Variants in GLS observed in about 807,000 individuals in gnomAD.
GLS encodes the protein glutaminase kidney isoform, mitochondrial.
In GLS, 36 loss-of-function variants were observed where a neutral mutation model predicts 86.7. That is an observed-to-expected ratio of 0.42 (90% CI 0.32 to 0.55). GLS has a LOEUF of 0.55. Ranked by LOEUF, GLS falls within the 20% of genes least tolerant of loss-of-function variation. The probability of loss-of-function intolerance (pLI) is 0.17; values close to 1 mark genes in which losing one functional copy is unlikely to be tolerated. For synonymous variants in GLS, 317 were observed against 305.9 expected (o/e 1.04, Z -0.38); for missense variants, 528 against 833.4 (o/e 0.63, Z 4.51).
chr2:190,880,826 G>C lies in GLS; in HGVS notation c.-259G>C, dbSNP rs555442285. The C allele has an allele frequency of 1.6e-3, 1,156 of 734,488 alleles. 44 individuals carry two copies. Among genetic ancestry groups the C allele is most frequent in the Non-Finnish European group, 2.4e-3 (1,047 of 433,618 alleles). The allele number at this position is 734,488 out of a possible 1,614,324, so 45.5% of individuals were successfully genotyped here. Reference sequence around the variant, plus strand: ...CTCCCCTGCGCTTTAGCCTCAGTGCGGAGCCTTAGGCGGAGCGAAGAGAAC... The same window carrying C: ...CTCCCCTGCGCTTTAGCCTCAGTGCCGAGCCTTAGGCGGAGCGAAGAGAAC... On this transcript the variant is annotated 5_prime_UTR_variant, in exon 1 of 18. Transcript: ENST00000320717.
chr2:190,958,482 G>T (rs116005392), intron 17 of GLS, among the ~76,000 whole-genome samples: 2,370 of 152,008 alleles, frequency 0.016, 80 homozygotes, highest in African/African-American at 0.054. Flanking sequence ...GTTTGCTCTT[G>T]TTTCTCTAGC....
At chr2:190,885,852 T>G (rs1484010764) in intron 1 of GLS, among the ~76,000 whole-genome samples, 1 of 151,714 alleles carries the variant, frequency 6.6e-6, no homozygotes, top group Admixed American at 6.6e-5. Context: ...GTTTTAGTTT[T>G]TTTTTTTAAA....
At chr2:190,896,456 C>T (rs1039416427) in intron 3 of GLS, 1 of 152,210 alleles carries the variant, frequency 6.6e-6, no homozygotes. Context: ...TAGTATAAAA[C>T]TGTAAATACT....
At chr2:190,932,764 T>C (rs1432249509) in intron 14 of GLS, 1 of 1,604,352 alleles carries the variant, frequency 6.2e-7, no homozygotes, top group African/African-American at 1.3e-5. Context: ...AGAACTTGCT[T>C]TAAAAGAGAC....
rs775870051 is a variant in GLS at position 190,905,176 on chromosome 2, T to G, written c.979+9T>G. On this transcript the variant is annotated intron_variant, in intron 6 of 17. Transcript: ENST00000320717. This position sits in a 1 kb window ranked among gnomAD's most constrained non-coding sequence, Gnocchi z 4.6. Reference sequence around the variant, plus strand: ...ATTTTTGAATGAAGATGGTAAGAATTACATAAACATTGGTTGAAAAAAGAA... The same window carrying G: ...ATTTTTGAATGAAGATGGTAAGAATGACATAAACATTGGTTGAAAAAAGAA... The G allele has an allele frequency of 6.6e-7, 1 of 1,526,040 alleles. No homozygotes were observed. The highest frequency in any genetic ancestry group is 9.0e-7 in the Non-Finnish European group (1 of 1,110,398). 94.5% of individuals were successfully genotyped at this position (1,526,040 alleles called of 1,614,324 possible). A position where few individuals can be genotyped will look rare whatever the true frequency, so the allele number is the denominator to read the frequency against.
At chr2:190,952,481 A>C (rs1690739770) in intron 14 of GLS, among the ~76,000 whole-genome samples, 1 of 152,170 alleles carries the variant, frequency 6.6e-6, no homozygotes, top group South Asian at 2.1e-4. Context: ...TGCAAATTAC[A>C]CTTTGAAAAT....
At position 190,901,927 on chromosome 2, in the gene GLS, C is replaced by T; in HGVS notation, c.736-20C>T. The T allele has an allele frequency of 6.8e-7, 1 of 1,461,990 alleles. No homozygotes were observed. The highest frequency in any genetic ancestry group is 1.7e-5 in the Admixed American group (1 of 59,738). 90.6% of individuals were successfully genotyped at this position (1,461,990 alleles called of 1,614,324 possible). On this transcript the variant is annotated intron_variant, in intron 4 of 17. Coordinates refer to ENST00000320717, the MANE Select transcript of GLS (RefSeq NM_014905.5). ...TTGTCAATATTATATCTATTCATTT[C>T]TTTCCAATCTTTTGGATAGGTTGCA... is the stretch of plus-strand genomic sequence containing the variant.
At chr2:190,941,472 C>T (rs1690427557) in intron 14 of GLS, among the ~76,000 whole-genome samples, 1 of 152,002 alleles carries the variant, frequency 6.6e-6, no homozygotes, top group Non-Finnish European at 1.5e-5. Context: ...GCATGGTTAG[C>T]TGTATCTTTA....
At chr2:190,912,630 C>CT (rs1689401803) in intron 7 of GLS, among the ~76,000 whole-genome samples, 1 of 152,166 alleles carries the variant, frequency 6.6e-6, no homozygotes, top group East Asian at 1.9e-4. Context: ...ACGGAGGAAA[C>CT]TGAGAACCTG....
At chr2:190,899,227 T>C (rs1688857547) in intron 3 of GLS, among the ~76,000 whole-genome samples, 1 of 152,176 alleles carries the variant, frequency 6.6e-6, no homozygotes, top group Non-Finnish European at 1.5e-5. Flanking sequence ...GAGATTAATA[T>C]TGAAACTATC....
chr2:190,913,428 A>G lies in GLS; in HGVS notation c.1038+3107A>G, dbSNP rs1199974125. 5.3e-6 allele frequency: 5 copies of G among 939,046 alleles called. No individual in the cohort carries two copies. The highest frequency in any genetic ancestry group is 6.7e-6 in the Non-Finnish European group (5 of 743,430). The allele number at this position is 939,046 out of a possible 1,614,324, so 58.2% of individuals were successfully genotyped here. A position where few individuals can be genotyped will look rare whatever the true frequency, so the allele number is the denominator to read the frequency against. ...AAAATGCACATAATTTTTAAAAATC[A>G]TAAGGGTATTATACTTCCTCTCTTT... On this transcript the variant is annotated intron_variant, in intron 7 of 17. Transcript: ENST00000320717. This position sits in a 1 kb window ranked among gnomAD's most constrained non-coding sequence, Gnocchi z 6.1.
rs1688109316 is a variant in GLS at position 190,880,863 on chromosome 2, AT to A, written c.-221del. On this transcript the variant is annotated 5_prime_UTR_variant, in exon 1 of 18. Coordinates refer to ENST00000320717, the MANE Select transcript of GLS (RefSeq NM_014905.5). ...GGAGCGAAGAGAACCGGTCGCGGCA[AT>A]CCTAGCGCGCAGCAGCAGCAGCAGC... 1.2e-6 allele frequency: 1 copy of A among 829,522 alleles called. No individual in the cohort carries two copies. Among genetic ancestry groups the A allele is most frequent in the Admixed American group, 2.1e-5 (1 of 47,512 alleles). The allele number at this position is 829,522 out of a possible 1,614,324, so 51.4% of individuals were successfully genotyped here.
At chr2:190,889,035 A>C (rs187093275) in intron 1 of GLS, among the ~76,000 whole-genome samples, 29 of 152,350 alleles carry the variant, frequency 1.9e-4, no homozygotes, top group African/African-American at 6.7e-4. Context: ...GAGTGAATAA[A>C]GTTTATGATC....
intron 14 of GLS, among the ~76,000 whole-genome samples, chr2:190,940,753 T>G (rs1362096299): frequency 6.6e-6 from 1 of 151,970 alleles, no homozygotes; most frequent in Non-Finnish European, 1.5e-5. Context: ...TTTTTTTTTT[T>G]TAATGCCTTC....
rs879557630 is a variant in GLS, at chr2:190,914,431, G to GTT, written c.1038+4121_1038+4122dup. ...CTTGTTTATATCAGTTTATGCTTTA[G>GTT]TTTTTTTTTTTTAATGAAAGGTAGA... On this transcript the variant is annotated intron_variant, in intron 7 of 17. Coordinates refer to ENST00000320717, the MANE Select transcript of GLS (RefSeq NM_014905.5). This position sits in a 1 kb window ranked among gnomAD's most constrained non-coding sequence, Gnocchi z 4.4. 5.6e-5 allele frequency among the ~76,000 whole-genome samples: 8 copies of GTT among 142,432 alleles called. No homozygotes were observed. The highest frequency in any genetic ancestry group is 7.7e-5 in the African/African-American group (3 of 39,048). The allele number at this position is 142,432 out of a possible 152,430, so 93.4% of individuals were successfully genotyped here. A position where few individuals can be genotyped will look rare whatever the true frequency, so the allele number is the denominator to read the frequency against.
chr2:190,943,488 A>G lies in GLS; in HGVS notation c.1651-10077A>G, dbSNP rs928137620. On this transcript the variant is annotated intron_variant, in intron 14 of 17. Coordinates refer to ENST00000320717, the MANE Select transcript of GLS (RefSeq NM_014905.5). The surrounding 1 kb of genome is among the most constrained non-coding windows in gnomAD (Gnocchi z 4.5). ...AAGAGAAAATCCAGCATAGTGCAAT[A>G]TCAGCAGTCAAGGAAAGAGTATTTT... Among the ~76,000 whole-genome samples, 2 of 152,208 alleles carry G rather than the reference A, an allele frequency of 1.3e-5. No individual in the cohort carries two copies. Among genetic ancestry groups the G allele is most frequent in the Admixed American group, 6.5e-5 (1 of 15,288 alleles).
intron 14 of GLS, among the ~76,000 whole-genome samples, chr2:190,950,834 C>T (rs1371888428): frequency 6.6e-6 from 1 of 152,188 alleles, no homozygotes; most frequent in Non-Finnish European, 1.5e-5. Flanking sequence ...AGAAGAGGAG[C>T]TGACTGTGAG....
At chr2:190,881,685 T>G in intron 1 of GLS, 1 of 464,850 alleles carries the variant, frequency 2.2e-6, no homozygotes, top group Non-Finnish European at 3.8e-6. Context: ...CCCACTTCCC[T>G]TCTCCGCCCC....
chr2:190,881,875 G>A, intron 1 of GLS: 1 of 167,952 alleles, frequency 6.0e-6, no homozygotes, highest in Non-Finnish European at 1.3e-5. Flanking sequence ...TCTCCACCGA[G>A]TGACATTTAG....
Sources: gnomAD v4.1 joint callset for allele counts (sites outside exome capture counted in the v4.1 genomes callset) on GRCh38, gnomAD v4.1.1 for gene constraint, Gnocchi (gnomAD v3.1) non-coding constraint, MANE v1.5 for transcripts, NCBI Gene and HGNC (gene_info 2026-07-23, HGNC 2026-07-21) for gene names.